The following CSRNP3 variants were observed in gnomAD, a reference collection of about 807,000 sequenced individuals.
The protein encoded by CSRNP3 is cysteine and serine rich nuclear protein 3, also known as cysteine/serine-rich nuclear protein 3.
In CSRNP3, 12 loss-of-function variants were observed where a neutral mutation model predicts 48.0. That is an observed-to-expected ratio of 0.25 (90% CI 0.16 to 0.41). The LOEUF (loss-of-function observed/expected upper bound fraction) is 0.41. CSRNP3 is among the 10% of genes least tolerant of loss of function. The probability of loss-of-function intolerance (pLI) is 1.00; values close to 1 mark genes in which losing one functional copy is unlikely to be tolerated. For missense variants in CSRNP3, 580 were observed against 724.4 expected (o/e 0.80, Z 2.29); for synonymous variants, 263 against 269.7 (o/e 0.98, Z 0.24).
intron 3 of CSRNP3, among the ~76,000 whole-genome samples, chr2:165,520,589 C>T (rs1684637663): frequency 6.6e-6 from 1 of 150,460 alleles, no homozygotes; most frequent in South Asian, 2.1e-4. Flanking sequence ...TTCCAAAAGG[C>T]AGGTATTTTA....
chr2:165,620,736 T>G (rs1364889842), intron 4 of CSRNP3, among the ~76,000 whole-genome samples: 1 of 152,122 alleles, frequency 6.6e-6, no homozygotes, highest in Non-Finnish European at 1.5e-5. Flanking sequence ...GTACCTTACA[T>G]GTGGTATTTG....
At chr2:165,541,052 G>A (rs146984719) in intron 3 of CSRNP3, among the ~76,000 whole-genome samples, 372 of 151,900 alleles carry the variant, frequency 2.4e-3, no homozygotes, top group African/African-American at 8.5e-3. Flanking sequence ...TGAGCTTAGA[G>A]TCAATATTTT....
chr2:165,641,908 T>C (rs1686726944), intron 4 of CSRNP3, among the ~76,000 whole-genome samples: 1 of 152,162 alleles, frequency 6.6e-6, no homozygotes, highest in Admixed American at 6.5e-5. Context: ...ATATAAACTC[T>C]TAAAATGTAG....
intron 3 of CSRNP3, among the ~76,000 whole-genome samples, chr2:165,590,884 A>G (rs1016267326): frequency 3.3e-5 from 5 of 152,152 alleles, no homozygotes; most frequent in Non-Finnish European, 5.9e-5. Flanking sequence ...AGACTAGACT[A>G]ATACAGTAAA....
At chr2:165,578,127 T>C (rs929400029) in intron 3 of CSRNP3, among the ~76,000 whole-genome samples, 1 of 152,018 alleles carries the variant, frequency 6.6e-6, no homozygotes, top group Admixed American at 6.5e-5. Context: ...CAGAGACCAA[T>C]TTTTTGGTTG....
chr2:165,608,934 C>CA (rs33952227), intron 4 of CSRNP3, among the ~76,000 whole-genome samples: 2,343 of 75,552 alleles, frequency 0.031, 26 homozygotes, highest in East Asian at 0.071. Flanking sequence ...ACTAAAAATA[C>CA]AAAAAAAAAA....
chr2:165,656,083 T>C (rs1686999575), intron 4 of CSRNP3, among the ~76,000 whole-genome samples: 1 of 152,184 alleles, frequency 6.6e-6, no homozygotes, highest in Non-Finnish European at 1.5e-5. Context: ...AGCAAAATAA[T>C]AGCATGATTC....
intron 3 of CSRNP3, among the ~76,000 whole-genome samples, chr2:165,540,920 C>A (rs559331294): frequency 1.3e-5 from 2 of 151,968 alleles, no homozygotes; most frequent in African/African-American, 2.4e-5. Flanking sequence ...AAATAACTTC[C>A]CAGGAACATT....
rs909246544 is a variant in CSRNP3, at chr2:165,683,040, A to G, written c.*3287A>G. ...CCCAGTTATAATCCTGGCCGAATTG[A>G]TTTGAAAGTCAAGTGGCTGAAGCAG... On this transcript the variant is annotated 3_prime_UTR_variant, in exon 7 of 7. Coordinates refer to ENST00000651982, the MANE Select transcript of CSRNP3 (RefSeq NM_001172173.2). The G allele has an allele frequency of 4.6e-5, 7 of 152,102 alleles. No homozygotes were observed. Among genetic ancestry groups the G allele is most frequent in the African/African-American group, 1.7e-4 (7 of 41,440 alleles). The allele number at this position is 152,102 out of a possible 1,614,324, so 9.4% of individuals were successfully genotyped here. A position where few individuals can be genotyped will look rare whatever the true frequency, so the allele number is the denominator to read the frequency against.
chr2:165,597,896 C>T (rs1459053710), intron 4 of CSRNP3, among the ~76,000 whole-genome samples: 3 of 151,934 alleles, frequency 2.0e-5, no homozygotes, highest in African/African-American at 7.3e-5. Flanking sequence ...CCCTTGAAAT[C>T]GGTACTCATT....
chr2:165,673,657 A>G (rs887155903), intron 5 of CSRNP3, among the ~76,000 whole-genome samples: 3 of 152,146 alleles, frequency 2.0e-5, no homozygotes, highest in Admixed American at 1.3e-4. Flanking sequence ...ATTTGCTAAA[A>G]TCTTACTACA....
chr2:165,563,860 C>T (rs1685264808), intron 3 of CSRNP3, among the ~76,000 whole-genome samples: 1 of 152,028 alleles, frequency 6.6e-6, no homozygotes, highest in African/African-American at 2.4e-5. Flanking sequence ...GAAGATCTTC[C>T]TCCAACTTAA....
At chr2:165,476,188 G>C (rs552181214) in intron 1 of CSRNP3, among the ~76,000 whole-genome samples, 1 of 152,116 alleles carries the variant, frequency 6.6e-6, no homozygotes, top group Non-Finnish European at 1.5e-5. Context: ...CAATATTTTT[G>C]TGCTGCTCTG....
intron 3 of CSRNP3, among the ~76,000 whole-genome samples, chr2:165,569,064 A>C (rs1487389649): frequency 6.6e-6 from 1 of 152,090 alleles, no homozygotes; most frequent in Non-Finnish European, 1.5e-5. Flanking sequence ...GATCTTCTTG[A>C]GAACAGTGTA....
chr2:165,512,516 A>G (rs1052008319), intron 2 of CSRNP3, among the ~76,000 whole-genome samples: 3 of 152,220 alleles, frequency 2.0e-5, no homozygotes, highest in Non-Finnish European at 4.4e-5. Context: ...TAAATAGTCT[A>G]AGATTAATTT....
intron 4 of CSRNP3, among the ~76,000 whole-genome samples, chr2:165,603,685 T>A (rs529775582): frequency 5.0e-4 from 76 of 152,314 alleles, no homozygotes; most frequent in South Asian, 4.3e-3. Context: ...GCCATGTTCT[T>A]CACTCTATAT....
At chr2:165,610,977 C>G (rs188309299) in intron 4 of CSRNP3, among the ~76,000 whole-genome samples, 3 of 152,178 alleles carry the variant, frequency 2.0e-5, no homozygotes, top group African/African-American at 4.8e-5. Flanking sequence ...ATCAATAAAG[C>G]ATGAATTTTG....
intron 3 of CSRNP3, among the ~76,000 whole-genome samples, chr2:165,570,482 G>A (rs1185223423): frequency 6.6e-6 from 1 of 150,990 alleles, no homozygotes; most frequent in East Asian, 1.9e-4. Flanking sequence ...CAATTTCTCA[G>A]CTCTTGTTCT....
intron 5 of CSRNP3, among the ~76,000 whole-genome samples, chr2:165,668,793 T>C (rs1687279655): frequency 6.6e-6 from 1 of 152,194 alleles, no homozygotes; most frequent in Middle Eastern, 3.2e-3. Flanking sequence ...TCTTAGAGTG[T>C]ACTGCCACGT....
Sources: gnomAD v4.1 joint callset for allele counts (sites outside exome capture counted in the v4.1 genomes callset) on GRCh38, gnomAD v4.1.1 for gene constraint, MANE v1.5 for transcripts, NCBI Gene and HGNC (gene_info 2026-07-23, HGNC 2026-07-21) for gene names.